The following FNIP2 variants were observed in gnomAD, a reference collection of about 807,000 sequenced individuals.
FNIP2 encodes folliculin-interacting protein 2.
A neutral mutation model predicts 108.7 loss-of-function variants in FNIP2; 32 were observed. The ratio of observed to expected loss-of-function variants is 0.29; its 90% CI spans 0.22 to 0.40. FNIP2 has a LOEUF of 0.40. FNIP2 is among the 10% of genes least tolerant of loss of function. The pLI is 1.00. For missense variants in FNIP2, 1,202 were observed against 1,381.6 expected, an observed-to-expected ratio of 0.87 and a Z score of 2.06; for synonymous variants, 480 against 496.7, an observed-to-expected ratio of 0.97 and a Z score of 0.45.
chr4:158,883,310 C>T (rs1472568480), intron 14 of FNIP2, among the ~76,000 whole-genome samples: 5 of 152,068 alleles, frequency 3.3e-5, no homozygotes, highest in Admixed American at 2.0e-4. Context: ...GGCGCAGTCT[C>T]GGCTCACTGC....
chr4:158,779,826 C>G (rs1775980680), intron 1 of FNIP2, among the ~76,000 whole-genome samples: 1 of 151,368 alleles, frequency 6.6e-6, no homozygotes, highest in East Asian at 1.9e-4. Flanking sequence ...CAAGTGATTC[C>G]CCCACCCTGA....
intron 1 of FNIP2, among the ~76,000 whole-genome samples, chr4:158,802,975 G>C (rs1334316055): frequency 6.6e-6 from 1 of 152,194 alleles, no homozygotes; most frequent in African/African-American, 2.4e-5. Context: ...AATTGAAGTA[G>C]TAGTCTGCCT....
chr4:158,832,071 C>G lies in FNIP2; in HGVS notation c.487C>G (p.Pro163Ala), dbSNP rs1406839782. The change falls in exon 5 of 17, where the codon CCT (proline) becomes GCT (alanine). Residue 163 changes from proline (P) to alanine (A), a missense_variant. Pro to Ala is a conservative substitution (Grantham distance 27). Coordinates refer to ENST00000264433, the MANE Select transcript of FNIP2 (RefSeq NM_020840.3). ...CTCCTTTTTTCCCCTCCACAGTTCT[C>G]CTCCACAACTGATGATTAGTAAAGT... is the stretch of plus-strand genomic sequence containing the variant. The part of the protein sequence containing the change: ...STLKIHYIRS[P>A]PQLMISKVFS... 1.1e-5 allele frequency: 18 copies of G among 1,613,670 alleles called. No individual in the cohort carries two copies. Among genetic ancestry groups the G allele is most frequent in the Non-Finnish European group, 1.3e-5 (15 of 1,179,658 alleles).
chr4:158,811,659 T>TAC (rs34271944), intron 1 of FNIP2, among the ~76,000 whole-genome samples: 44,065 of 151,302 alleles, frequency 0.29, 7,007 homozygotes, highest in Non-Finnish European at 0.37. Context: ...CTTTGTTGAT[T>TAC]ACACACACAC....
rs1326725248 is a variant in FNIP2, at chr4:158,904,989, T to C, written c.*445T>C. 1 of 155,560 alleles carries C rather than the reference T, an allele frequency of 6.4e-6. No homozygotes were observed. The highest frequency in any genetic ancestry group is 1.9e-4 in the East Asian group (1 of 5,372). The allele number at this position is 155,560 out of a possible 1,614,324, so 9.6% of individuals were successfully genotyped here. ...CTGGAGAAAACATATTTTGCTATTCTGAGACAACAATCAGAATACAGACTT... is the reference window on the plus strand; with the variant it reads ...CTGGAGAAAACATATTTTGCTATTCCGAGACAACAATCAGAATACAGACTT... On this transcript the variant is annotated 3_prime_UTR_variant, in exon 17 of 17. Coordinates refer to ENST00000264433, the MANE Select transcript of FNIP2 (RefSeq NM_020840.3).
chr4:158,880,319 C>T (rs1421182846), intron 14 of FNIP2, among the ~76,000 whole-genome samples: 2 of 152,168 alleles, frequency 1.3e-5, no homozygotes, highest in Non-Finnish European at 2.9e-5. Flanking sequence ...TGGAAACCAT[C>T]ATTCTCAGCA....
intron 1 of FNIP2, among the ~76,000 whole-genome samples, chr4:158,818,279 A>G (rs1314465378): frequency 6.6e-6 from 1 of 152,224 alleles, no homozygotes; most frequent in East Asian, 1.9e-4. Flanking sequence ...AAGGAGGGGG[A>G]AAACAAGTTC....
chr4:158,900,411 C>T (rs1226558927), intron 16 of FNIP2, among the ~76,000 whole-genome samples: 2 of 151,994 alleles, frequency 1.3e-5, no homozygotes, highest in Admixed American at 6.6e-5. Context: ...TTTTCTGTCT[C>T]GTTGATCTAA....
At chr4:158,894,618 T>A (rs899211646) in intron 15 of FNIP2, among the ~76,000 whole-genome samples, 2 of 152,198 alleles carry the variant, frequency 1.3e-5, no homozygotes, top group Non-Finnish European at 2.9e-5. Flanking sequence ...CAATGTAATA[T>A]GAATATTATT....
In FNIP2 at chr4:158,848,897, A is replaced by T. The variant is rs1260347317; in HGVS notation, c.728-2424A>T. 3.3e-5 allele frequency among the ~76,000 whole-genome samples: 5 copies of T among 152,206 alleles called. No individual in the cohort carries two copies. The East Asian group carries it at 5.8e-4, about 18-fold the overall frequency. The stretch of plus-strand genomic sequence containing the variant: ...CAGAGATACCCAAAGACCCAAGGGA[A>T]AACTGTCCCTTTTTATGCTTAGATT... On this transcript the variant is annotated intron_variant, in intron 7 of 16. Coordinates refer to ENST00000264433, the MANE Select transcript of FNIP2 (RefSeq NM_020840.3).
At chr4:158,837,077 G>T (rs543823960) in intron 7 of FNIP2, among the ~76,000 whole-genome samples, 1 of 152,268 alleles carries the variant, frequency 6.6e-6, no homozygotes, top group South Asian at 2.1e-4. Flanking sequence ...TCGGCTCCCT[G>T]CCTTTGTAAC....
chr4:158,861,032 A>G (rs1319213968), intron 10 of FNIP2, among the ~76,000 whole-genome samples: 1 of 152,190 alleles, frequency 6.6e-6, no homozygotes, highest in African/African-American at 2.4e-5. Flanking sequence ...CTAGTTCTGT[A>G]CTTTCAGTTT....
chr4:158,793,378 T>C (rs1437520727), intron 1 of FNIP2, among the ~76,000 whole-genome samples: 1 of 152,192 alleles, frequency 6.6e-6, no homozygotes, highest in Non-Finnish European at 1.5e-5. Context: ...ACAGTGTACT[T>C]TTTCAGTTAC....
At chr4:158,802,802 C>T (rs185321914) in intron 1 of FNIP2, among the ~76,000 whole-genome samples, 65 of 152,138 alleles carry the variant, frequency 4.3e-4, no homozygotes, top group Middle Eastern at 3.4e-3. Flanking sequence ...ATTTTGGCCA[C>T]GGGGAAAAGA....
chr4:158,791,227 A>T (rs1313234775), intron 1 of FNIP2, among the ~76,000 whole-genome samples: 2 of 145,028 alleles, frequency 1.4e-5, no homozygotes, highest in Non-Finnish European at 3.0e-5. Flanking sequence ...GTGCCTACAG[A>T]CACTCTAGTC....
At chr4:158,819,711 A>C (rs1298651383) in intron 1 of FNIP2, among the ~76,000 whole-genome samples, 5 of 152,196 alleles carry the variant, frequency 3.3e-5, no homozygotes, top group African/African-American at 7.2e-5. Context: ...GTGGGAAATA[A>C]TGTGTATTTT....
chr4:158,797,950 T>C (rs550155208), intron 1 of FNIP2, among the ~76,000 whole-genome samples: 2 of 152,332 alleles, frequency 1.3e-5, no homozygotes, highest in South Asian at 2.1e-4. Context: ...CACATCTGCT[T>C]TGAGACTGTT....
chr4:158,897,303 C>T (rs1259714892), intron 16 of FNIP2, among the ~76,000 whole-genome samples: 1 of 152,176 alleles, frequency 6.6e-6, no homozygotes, highest in African/African-American at 2.4e-5. Flanking sequence ...AGTAAACATA[C>T]ATGTGCGTGT....
rs748535593 is a variant in FNIP2, at chr4:158,859,124, A to G, written c.925A>G (p.Lys309Glu). The G allele has an allele frequency of 6.2e-7, 1 of 1,614,018 alleles. No individual in the cohort carries two copies. Among genetic ancestry groups the G allele is most frequent in the South Asian group, 1.1e-5 (1 of 91,088 alleles). ...CSSNPAMVRR[K>E]KIAISIIFSL... ...CTCTAATCCAGCTATGGTTAGGAGGAAGAAAATTGCCATAAGCATCATCTT... is the reference window on the plus strand; with the variant it reads ...CTCTAATCCAGCTATGGTTAGGAGGGAGAAAATTGCCATAAGCATCATCTT... Residue 309 changes from lysine (K) to glutamate (E), a missense_variant, in exon 9 of 17, where the codon AAG becomes GAG. Physicochemically the swap from Lys to Glu is moderately conservative, Grantham distance 56. This residue lies in a region of FNIP2 where 878 missense variants were observed against 990.3 expected (regional missense o/e 0.89). Transcript: ENST00000264433.
Sources: gnomAD v4.1 joint callset for allele counts (sites outside exome capture counted in the v4.1 genomes callset) on GRCh38, gnomAD v4.1.1 for gene constraint, gnomAD v4.1.1 regional missense constraint, MANE v1.5 for transcripts, NCBI Gene and HGNC (gene_info 2026-07-23, HGNC 2026-07-21) for gene names.